Variants in AGL observed in about 807,000 individuals in gnomAD.
The protein encoded by AGL is glycogen debranching enzyme.
AGL carries 128 observed loss-of-function variants against 199.3 expected under a neutral mutation model. That is an observed-to-expected ratio of 0.64 (90% CI 0.56 to 0.74). The LOEUF is 0.74. Among genes scored for constraint, AGL ranks in the 30% least tolerant of loss-of-function variants. The probability of loss-of-function intolerance (pLI) is 0.00; values close to 1 mark genes in which losing one functional copy is unlikely to be tolerated. For synonymous variants in AGL, 584 were observed against 594.7 expected (o/e 0.98, Z 0.26); for missense variants, 1,809 against 1,820.8 (o/e 0.99, Z 0.12).
intron 20 of AGL, among the ~76,000 whole-genome samples, chr1:99,885,164 C>A (rs923810312): frequency 6.6e-6 from 1 of 152,148 alleles, no homozygotes; most frequent in Non-Finnish European, 1.5e-5. Flanking sequence ...TTCATCTTTA[C>A]ATGAATCCTT....
chr1:99,867,817 C>G (rs1377607202), intron 5 of AGL, among the ~76,000 whole-genome samples: 1 of 152,120 alleles, frequency 6.6e-6, no homozygotes, highest in African/African-American at 2.4e-5. Context: ...AGCCACCGCA[C>G]CCGGCCGTGT....
At chr1:99,899,063 G>A (rs115290810) in intron 25 of AGL, among the ~76,000 whole-genome samples, 2,020 of 151,854 alleles carry the variant, frequency 0.013, 48 homozygotes, top group African/African-American at 0.046. Flanking sequence ...TGGGCAACAG[G>A]GTCTCTTAAA....
At position 99,921,815 on chromosome 1, in the gene AGL, T is replaced by A. The variant is rs1221434257; in HGVS notation, c.*164T>A. 4 of 478,978 alleles carry A rather than the reference T, an allele frequency of 8.4e-6. No individual in the cohort carries two copies. Among genetic ancestry groups the A allele is most frequent in the Non-Finnish European group, 1.5e-5 (4 of 271,956 alleles). The allele number at this position is 478,978 out of a possible 1,614,324, so 29.7% of individuals were successfully genotyped here. On this transcript the variant is annotated 3_prime_UTR_variant, in exon 34 of 34. Transcript: ENST00000361915. ...GTAAAAGCATTGATTTTTTTTAATG[T>A]ACAGAGGTAGATTTCAATTTGAATC...
intron 26 of AGL, 141 bp from the exon 27 acceptor site, chr1:99,902,542 T>TCCTG: frequency 1.5e-6 from 1 of 684,712 alleles, no homozygotes; most frequent in Non-Finnish European, 2.7e-6. Context: ...AGGAGCTGCT[T>TCCTG]CTTCCCTGGC....
intron 27 of AGL, among the ~76,000 whole-genome samples, chr1:99,903,779 A>T (rs1654036781): frequency 6.6e-6 from 1 of 152,104 alleles, no homozygotes; most frequent in Non-Finnish European, 1.5e-5. Flanking sequence ...CTATTTCTCC[A>T]CATCCTCTCC....
At chr1:99,853,611 G>A (rs1279876384) in intron 2 of AGL, among the ~76,000 whole-genome samples, 2 of 152,186 alleles carry the variant, frequency 1.3e-5, no homozygotes, top group African/African-American at 4.8e-5. Flanking sequence ...GAATTGATGA[G>A]GGCAGGTGAC....
At chr1:99,851,697 A>G (rs955455754) in intron 2 of AGL, among the ~76,000 whole-genome samples, 21 of 152,178 alleles carry the variant, frequency 1.4e-4, no homozygotes, top group African/African-American at 4.6e-4. Flanking sequence ...GTTGATCTGT[A>G]TTTAAAAGAT....
At chr1:99,890,004 G>A (rs10747505) in intron 21 of AGL, among the ~76,000 whole-genome samples, 74,435 of 151,844 alleles carry the variant, frequency 0.49, 18,851 homozygotes, top group East Asian at 0.67. Context: ...CTTATAATAC[G>A]GTATATCTAG....
Position 99,916,778 on chromosome 1 carries a change from T to C in AGL, c.4481+47T>C, listed in dbSNP as rs746100400. On this transcript the variant is annotated intron_variant, in intron 33 of 33. Transcript: ENST00000361915. ...ATTTCCATAACTAGTGTTTAGTCAG[T>C]TTATTAGCTATTAGGTAAATTACAG... 9 of 1,584,096 alleles carry C rather than the reference T, an allele frequency of 5.7e-6. No homozygotes were observed. In the African/African-American group the frequency reaches 6.7e-5, roughly 12 times the overall value.
At chr1:99,907,686 G>GTTTTTGTTTTTTTT (rs1654405870) in intron 27 of AGL, among the ~76,000 whole-genome samples, 1 of 59,846 alleles carries the variant, frequency 1.7e-5, no homozygotes, top group African/African-American at 5.7e-5. Flanking sequence ...GTTTGTTTTT[G>GTTTTTGTTTTTTTT]TTTTTTGTTT....
At chr1:99,869,325 C>T (rs1650791864) in intron 5 of AGL, among the ~76,000 whole-genome samples, 1 of 152,006 alleles carries the variant, frequency 6.6e-6, no homozygotes, top group African/African-American at 2.4e-5. Flanking sequence ...CATCTGAGTG[C>T]TTATTATGGG....
At chr1:99,870,916 A>C (rs372345429) in intron 7 of AGL, 47 bp downstream of exon 7, 8 of 1,198,862 alleles carry the variant, frequency 6.7e-6, no homozygotes, top group Non-Finnish European at 9.9e-6. Context: ...AAGAAATGTA[A>C]TATTATAAAG....
At chr1:99,863,345 A>T (rs1411307703) in intron 4 of AGL, among the ~76,000 whole-genome samples, 1 of 152,214 alleles carries the variant, frequency 6.6e-6, no homozygotes, top group African/African-American at 2.4e-5. Flanking sequence ...TATCATTTCT[A>T]AGACTTTACC....
chr1:99,912,091 A>G (rs962741200), intron 28 of AGL, among the ~76,000 whole-genome samples: 5 of 152,050 alleles, frequency 3.3e-5, no homozygotes, highest in African/African-American at 1.2e-4. Flanking sequence ...CATGTTTGCT[A>G]TCTTTTCTCT....
intron 21 of AGL, 129 bp downstream of exon 21, chr1:99,888,237 A>G (rs1652608014): frequency 6.7e-6 from 8 of 1,190,790 alleles, no homozygotes; most frequent in African/African-American, 6.0e-5. Flanking sequence ...GCTTCTGCTC[A>G]TTAATTGACC....
At chr1:99,865,943 C>T (rs1216285210) in intron 5 of AGL, among the ~76,000 whole-genome samples, 1 of 152,112 alleles carries the variant, frequency 6.6e-6, no homozygotes, top group Non-Finnish European at 1.5e-5. Flanking sequence ...CTTCATAATA[C>T]CTAAGAACTC....
rs754970096 is a variant in AGL, at chr1:99,881,542, T to C, written c.2159T>C (p.Val720Ala). Residue 720 changes from valine to alanine, a missense_variant and splice_region_variant, in exon 17 of 34, where the codon GTG (valine) becomes GCG (alanine). Val to Ala is a moderately conservative substitution (Grantham distance 64). Transcript: ENST00000361915. ...CTAGTTGTTCTTTCTGCTTCTCAGG[T>C]GTATGTGGATCAAGTTGATGAAGAC... Reference protein sequence around the residue: ...QELGAKGFIQVYVDQVDEDIV... With the variant: ...QELGAKGFIQAYVDQVDEDIV... The C allele has an allele frequency of 1.9e-6, 3 of 1,613,872 alleles. No individual in the cohort carries two copies. The highest frequency in any genetic ancestry group is 2.2e-5 in the South Asian group (2 of 91,066).
At chr1:99,911,194 CAACCAG>C (rs1654728638) in intron 28 of AGL, among the ~76,000 whole-genome samples, 1 of 152,176 alleles carries the variant, frequency 6.6e-6, no homozygotes, top group East Asian at 1.9e-4. Flanking sequence ...ACATAGAAAA[CAACCAG>C]TTGTTCTGTC....
intron 17 of AGL, among the ~76,000 whole-genome samples, chr1:99,883,265 T>C (rs1652193282): frequency 6.6e-6 from 1 of 152,154 alleles, no homozygotes; most frequent in African/African-American, 2.4e-5. Flanking sequence ...GCCAGATTAA[T>C]GACTTAAAGC....
Sources: allele counts gnomAD v4.1 joint callset (sites outside exome capture counted in the v4.1 genomes callset), GRCh38; gene constraint gnomAD v4.1.1; transcripts MANE v1.5; gene names NCBI Gene and HGNC (gene_info 2026-07-23, HGNC 2026-07-21).